The following MTMR7 variants were observed in gnomAD, a reference collection of about 807,000 sequenced individuals.
MTMR7 encodes the protein myotubularin related protein 7, also known as phosphatidylinositol-3-phosphate phosphatase MTMR7.
MTMR7 carries 76 observed loss-of-function variants against 81.2 expected under a neutral mutation model. The ratio of observed to expected loss-of-function variants is 0.94; its 90% CI spans 0.78 to 1.13. The LOEUF (loss-of-function observed/expected upper bound fraction) is 1.13. MTMR7 is among the 50% of genes most tolerant of loss of function. The pLI is 0.00. For missense variants in MTMR7, 1,044 were observed against 820.0 expected, an observed-to-expected ratio of 1.27 and a Z score of -3.34; for synonymous variants, 372 against 289.8, an observed-to-expected ratio of 1.28 and a Z score of -2.88.
chr8:17,318,697 GT>G (rs1563328425), intron 7 of MTMR7, among the ~76,000 whole-genome samples: 1 of 152,190 alleles, frequency 6.6e-6, no homozygotes, highest in East Asian at 1.9e-4. Flanking sequence ...TATTGTGCAT[GT>G]TTGGAAGGTG....
At chr8:17,411,002 G>A (rs531805342) in intron 1 of MTMR7, among the ~76,000 whole-genome samples, 49 of 152,214 alleles carry the variant, frequency 3.2e-4, no homozygotes, top group Non-Finnish European at 5.1e-4. Flanking sequence ...GTTTCACCAA[G>A]TATAATGGAA....
chr8:17,373,477 T>C (rs1208364591), intron 1 of MTMR7, among the ~76,000 whole-genome samples: 2 of 152,178 alleles, frequency 1.3e-5, no homozygotes, highest in Non-Finnish European at 2.9e-5. Context: ...CCACAAAAGA[T>C]GTGTAGATCC....
At chr8:17,343,006 G>A (rs1037394627) in intron 5 of MTMR7, among the ~76,000 whole-genome samples, 2 of 152,144 alleles carry the variant, frequency 1.3e-5, no homozygotes, top group Non-Finnish European at 1.5e-5. Context: ...GACACAGATG[G>A]CTTTCACAGG....
At chr8:17,330,111 G>A (rs1377007939) in intron 7 of MTMR7, among the ~76,000 whole-genome samples, 1 of 152,226 alleles carries the variant, frequency 6.6e-6, no homozygotes. Flanking sequence ...GAAAGTCCAG[G>A]AAACAGAATG....
chr8:17,386,907 T>C (rs1585113922), intron 1 of MTMR7, among the ~76,000 whole-genome samples: 1 of 152,190 alleles, frequency 6.6e-6, no homozygotes, highest in African/African-American at 2.4e-5. Context: ...GGATGATGGG[T>C]GACCAAAGCC....
At chr8:17,304,663 G>A in intron 11 of MTMR7, 144 bp from the exon 12 acceptor site, 1 of 778,138 alleles carries the variant, frequency 1.3e-6, no homozygotes, top group South Asian at 1.8e-5. Flanking sequence ...TATCATCTTG[G>A]TGACTTCATG....
At chr8:17,406,947 T>C (rs1267424529) in intron 1 of MTMR7, among the ~76,000 whole-genome samples, 1 of 152,066 alleles carries the variant, frequency 6.6e-6, no homozygotes, top group Non-Finnish European at 1.5e-5. Flanking sequence ...GTGGTTACCT[T>C]GGGTGGGGTG....
At chr8:17,311,474 G>T in intron 9 of MTMR7, 37 bp downstream of exon 9, 1 of 1,613,366 alleles carries the variant, frequency 6.2e-7, no homozygotes, top group East Asian at 2.2e-5. Flanking sequence ...CCTGGTCAAG[G>T]CACCGCCTGT....
intron 3 of MTMR7, 139 bp downstream of exon 3, chr8:17,370,898 G>GA: frequency 2.5e-6 from 2 of 785,780 alleles, no homozygotes; most frequent in South Asian, 4.9e-5. Context: ...TGATCATTCG[G>GA]GCTTATCCTC....
At position 17,299,776 on chromosome 8, in the gene MTMR7, C is replaced by A; in HGVS notation, c.*86G>T. 1 of 1,539,346 alleles carries A rather than the reference C, an allele frequency of 6.5e-7. No homozygotes were observed. The highest frequency in any genetic ancestry group is 8.8e-7 in the Non-Finnish European group (1 of 1,138,948). On this transcript the variant is annotated 3_prime_UTR_variant, in exon 14 of 14. Transcript: ENST00000180173. The stretch of plus-strand genomic sequence containing the variant: ...TAGTTCTCAATGACATGCACCATTT[C>A]CTGTTTTTACAATAAACCACCTTGT...
chr8:17,363,842 T>C (rs1288525449), intron 3 of MTMR7, among the ~76,000 whole-genome samples: 1 of 151,772 alleles, frequency 6.6e-6, no homozygotes, highest in Admixed American at 6.6e-5. Flanking sequence ...TTTCTGTTCT[T>C]TTCGTTCTCT....
At chr8:17,380,234 T>C (rs1447166722) in intron 1 of MTMR7, among the ~76,000 whole-genome samples, 1 of 152,180 alleles carries the variant, frequency 6.6e-6, no homozygotes, top group African/African-American at 2.4e-5. Flanking sequence ...ACCCCAGTTG[T>C]CAGTTTGTTT....
At chr8:17,356,688 T>A (rs1399284662) in intron 4 of MTMR7, among the ~76,000 whole-genome samples, 1 of 150,536 alleles carries the variant, frequency 6.6e-6, no homozygotes, top group Non-Finnish European at 1.5e-5. Context: ...TACTCTAGCT[T>A]GGGCAACAGA....
chr8:17,341,718 T>C (rs963140889), intron 5 of MTMR7, among the ~76,000 whole-genome samples: 1 of 152,176 alleles, frequency 6.6e-6, no homozygotes, highest in African/African-American at 2.4e-5. Context: ...TGCAAAATAT[T>C]AGGAATGTGT....
intron 1 of MTMR7, among the ~76,000 whole-genome samples, chr8:17,410,118 G>A (rs888380097): frequency 1.3e-5 from 2 of 151,826 alleles, no homozygotes; most frequent in Non-Finnish European, 2.9e-5. Context: ...AGGCCCCTCT[G>A]TGAGAAAGGG....
At chr8:17,316,180 A>G (rs1288349385) in intron 7 of MTMR7, among the ~76,000 whole-genome samples, 3 of 152,050 alleles carry the variant, frequency 2.0e-5, no homozygotes, top group Admixed American at 1.3e-4. Flanking sequence ...AGTTTCCTCA[A>G]CTGTAAAATG....
intron 7 of MTMR7, among the ~76,000 whole-genome samples, chr8:17,316,748 C>T (rs2150499339): frequency 6.6e-6 from 1 of 152,234 alleles, no homozygotes; most frequent in South Asian, 2.1e-4. Flanking sequence ...TTAAGTATTG[C>T]AAGTAATCTA....
chr8:17,408,005 G>C (rs1192086286), intron 1 of MTMR7, among the ~76,000 whole-genome samples: 1 of 152,112 alleles, frequency 6.6e-6, no homozygotes, highest in Non-Finnish European at 1.5e-5. Flanking sequence ...ATAAGTTGTT[G>C]AGTTCAACAC....
chr8:17,382,487 G>C (rs535773384), intron 1 of MTMR7, among the ~76,000 whole-genome samples: 1 of 151,910 alleles, frequency 6.6e-6, no homozygotes, highest in Admixed American at 6.5e-5. Flanking sequence ...ATTTAAAACT[G>C]AATTGATGAA....
Sources: allele counts gnomAD v4.1 joint callset (sites outside exome capture counted in the v4.1 genomes callset), GRCh38; gene constraint gnomAD v4.1.1; transcripts MANE v1.5; gene names NCBI Gene and HGNC (gene_info 2026-07-23, HGNC 2026-07-21).